Variants in ZNF383 observed in about 807,000 individuals in gnomAD.
The protein encoded by ZNF383 is zinc finger protein 383.
ZNF383 carries 32 observed loss-of-function variants against 44.2 expected under a neutral mutation model. The ratio of observed to expected loss-of-function variants is 0.72; its 90% CI spans 0.55 to 0.97. The LOEUF (loss-of-function observed/expected upper bound fraction) is 0.97. ZNF383 is among the 50% of genes least tolerant of loss of function. The pLI is 0.00. For synonymous variants in ZNF383, 155 were observed against 186.2 expected (o/e 0.83, Z 1.36); for missense variants, 487 against 562.5 (o/e 0.87, Z 1.36).
intron 2 of ZNF383, among the ~76,000 whole-genome samples, chr19:37,229,734 ATG>A (rs1292557806): frequency 2.1e-5 from 3 of 144,070 alleles, no homozygotes; most frequent in East Asian, 2.0e-4. Flanking sequence ...ATGTATATAT[ATG>A]TGTGTGTATA....
chr19:37,218,831 G>A (rs553864361), intron 1 of ZNF383, among the ~76,000 whole-genome samples: 5 of 152,096 alleles, frequency 3.3e-5, no homozygotes, highest in African/African-American at 4.8e-5. Context: ...GTGTGTCCTA[G>A]TGGTCATTGT....
chr19:37,232,399 C>G (rs1201994641), intron 3 of ZNF383, among the ~76,000 whole-genome samples: 1 of 151,980 alleles, frequency 6.6e-6, no homozygotes, highest in African/African-American at 2.4e-5. Flanking sequence ...GTCTATATAG[C>G]TAACTGGTAG....
intron 3 of ZNF383, among the ~76,000 whole-genome samples, chr19:37,234,444 A>T (rs1192163120): frequency 1.3e-5 from 2 of 152,122 alleles, no homozygotes; most frequent in Non-Finnish European, 2.9e-5. Flanking sequence ...GCTGGAGTGC[A>T]GTGGCGCGAT....
chr19:37,225,417 A>G (rs1973111442), intron 2 of ZNF383, among the ~76,000 whole-genome samples: 2 of 152,136 alleles, frequency 1.3e-5, no homozygotes, highest in Admixed American at 6.6e-5. Flanking sequence ...TGTACATTCC[A>G]GTGTTAAGTA....
chr19:37,243,363 C>T lies in ZNF383; in HGVS notation c.1127C>T (p.Thr376Ile). 2 of 1,613,888 alleles carry T rather than the reference C, an allele frequency of 1.2e-6. No homozygotes were observed. Among genetic ancestry groups the T allele is most frequent in the Non-Finnish European group, 1.7e-6 (2 of 1,179,964 alleles). The change falls in exon 6 of 6, where the codon ACT becomes ATT. Residue 376 changes from threonine (T) to isoleucine (I), a missense_variant. Physicochemically the swap from Thr to Ile is moderately conservative, Grantham distance 89. Transcript: ENST00000684119. ...YDCKECGKAFTQSSQLRQHQR... is the reference protein window; with the variant it reads ...YDCKECGKAFIQSSQLRQHQR... ...TGTAAGGAATGTGGAAAGGCTTTTA[C>T]TCAGAGCTCACAGCTTCGTCAACAT...
chr19:37,220,062 A>C (rs1972844128), intron 1 of ZNF383, among the ~76,000 whole-genome samples: 2 of 152,168 alleles, frequency 1.3e-5, no homozygotes, highest in African/African-American at 4.8e-5. Context: ...CAAACAGCAA[A>C]TCTACTACCC....
chr19:37,232,432 T>C (rs1973544071), intron 3 of ZNF383, among the ~76,000 whole-genome samples: 1 of 152,160 alleles, frequency 6.6e-6, no homozygotes, highest in African/African-American at 2.4e-5. Flanking sequence ...CCTCATCTTA[T>C]TTTGGTTTTA....
At chr19:37,221,899 T>C (rs1032811914) in intron 1 of ZNF383, among the ~76,000 whole-genome samples, 3 of 143,498 alleles carry the variant, frequency 2.1e-5, no homozygotes, top group African/African-American at 7.9e-5. Flanking sequence ...GAGCTTGCAA[T>C]GAGCCAAGAT....
intron 1 of ZNF383, among the ~76,000 whole-genome samples, chr19:37,220,772 GTTA>G (rs1972885754): frequency 6.6e-6 from 1 of 151,774 alleles, no homozygotes; most frequent in South Asian, 2.1e-4. Context: ...TTTGATAATC[GTTA>G]TTTTCTTCTT....
At chr19:37,236,994 C>G (rs200105399) in intron 5 of ZNF383, among the ~76,000 whole-genome samples, 28 of 142,252 alleles carry the variant, frequency 2.0e-4, no homozygotes, top group East Asian at 6.0e-4. Context: ...CACACACACA[C>G]AGAGACACAC....
At chr19:37,235,758 G>T (rs1007564648) in intron 4 of ZNF383, 83 bp downstream of exon 4, 1 of 1,462,772 alleles carries the variant, frequency 6.8e-7, no homozygotes, top group African/African-American at 1.4e-5. Context: ...CTGCTTTTCA[G>T]GTTACTAGCT....
intron 3 of ZNF383, among the ~76,000 whole-genome samples, chr19:37,233,436 T>C (rs935049259): frequency 6.0e-5 from 9 of 150,396 alleles, no homozygotes; most frequent in African/African-American, 2.0e-4. Context: ...CGGCTGTTTT[T>C]ATTTTTTTTT....
chr19:37,228,732 T>TG (rs1447223565), intron 2 of ZNF383, among the ~76,000 whole-genome samples: 1 of 152,178 alleles, frequency 6.6e-6, no homozygotes, highest in Non-Finnish European at 1.5e-5. Context: ...TGGGACTAAC[T>TG]GGCTTTTTCA....
chr19:37,223,908 A>C (rs1195137808), intron 1 of ZNF383, among the ~76,000 whole-genome samples: 1 of 151,936 alleles, frequency 6.6e-6, no homozygotes, highest in Non-Finnish European at 1.5e-5. Context: ...GGTGGCGGGC[A>C]CCTGTAATCT....
intron 3 of ZNF383, among the ~76,000 whole-genome samples, chr19:37,233,016 A>G (rs1973574546): frequency 6.6e-6 from 1 of 152,120 alleles, no homozygotes; most frequent in South Asian, 2.1e-4. Flanking sequence ...ATCAAACACA[A>G]TGGAAAGTTT....
At chr19:37,241,837 A>G in intron 5 of ZNF383, among the ~76,000 whole-genome samples, 1 of 151,510 alleles carries the variant, frequency 6.6e-6, no homozygotes, top group African/African-American at 2.4e-5. Flanking sequence ...CTCTCAGGAG[A>G]CCTTTAATGG....
intron 1 of ZNF383, among the ~76,000 whole-genome samples, chr19:37,220,276 T>G (rs1972856389): frequency 6.6e-6 from 1 of 152,220 alleles, no homozygotes; most frequent in Admixed American, 6.5e-5. Flanking sequence ...TTGCCCAGGC[T>G]GGAGTGCAGA....
At chr19:37,236,979 AC>A (rs1973839208) in intron 5 of ZNF383, among the ~76,000 whole-genome samples, 2 of 151,378 alleles carry the variant, frequency 1.3e-5, no homozygotes, top group African/African-American at 4.9e-5. Context: ...ACACACACAC[AC>A]ACACACACAC....
intron 2 of ZNF383, among the ~76,000 whole-genome samples, chr19:37,230,157 G>A (rs1322802295): frequency 6.6e-6 from 1 of 152,082 alleles, no homozygotes; most frequent in Non-Finnish European, 1.5e-5. Context: ...GGTCTGGCCC[G>A]AATCCGTTGG....
Sources: allele counts gnomAD v4.1 joint callset (sites outside exome capture counted in the v4.1 genomes callset), GRCh38; gene constraint gnomAD v4.1.1; transcripts MANE v1.5; gene names NCBI Gene and HGNC (gene_info 2026-07-23, HGNC 2026-07-21).